ARFIP1: variants seen among roughly 807,000 people sequenced by gnomAD.
ARFIP1 encodes arfaptin-1.
In ARFIP1, 24 loss-of-function variants were observed where a neutral mutation model predicts 42.5. The ratio of observed to expected loss-of-function variants is 0.57; its 90% confidence interval spans 0.41 to 0.80. The LOEUF (loss-of-function observed/expected upper bound fraction) is 0.80, where lower values mean the gene tolerates loss of function less well. Among genes scored for constraint, ARFIP1 ranks in the 30% least tolerant of loss-of-function variants. The probability of loss-of-function intolerance (pLI) is 0.00; values close to 1 mark genes in which losing one functional copy is unlikely to be tolerated. For missense variants in ARFIP1, 354 were observed against 434.0 expected (o/e 0.82, Z 1.64); for synonymous variants, 141 against 153.7 (o/e 0.92, Z 0.61).
chr4:152,842,824 T>C (rs1732203461), intron 2 of ARFIP1, among the ~76,000 whole-genome samples: 1 of 152,162 alleles, frequency 6.6e-6, no homozygotes, highest in African/African-American at 2.4e-5. Flanking sequence ...TCATTTCTTA[T>C]GTCTTTTTTT....
At chr4:152,790,905 G>T (rs915768415) in intron 1 of ARFIP1, among the ~76,000 whole-genome samples, 6 of 149,318 alleles carry the variant, frequency 4.0e-5, no homozygotes, top group African/African-American at 1.5e-4. Context: ...GCTCATTTTT[G>T]TATTTTTTTT....
intron 8 of ARFIP1, among the ~76,000 whole-genome samples, chr4:152,907,413 G>A (rs1439393154): frequency 2.0e-5 from 3 of 151,996 alleles, no homozygotes; most frequent in Non-Finnish European, 4.4e-5. Flanking sequence ...AACAAAAAAA[G>A]CAGCCATGTT....
At chr4:152,884,216 A>C (rs1324353761) in intron 7 of ARFIP1, among the ~76,000 whole-genome samples, 2 of 151,974 alleles carry the variant, frequency 1.3e-5, no homozygotes, top group East Asian at 3.9e-4. Flanking sequence ...TGGAGGGGTA[A>C]GGGTGAGGAT....
At chr4:152,897,931 G>A (rs1487377219) in intron 8 of ARFIP1, among the ~76,000 whole-genome samples, 1 of 149,672 alleles carries the variant, frequency 6.7e-6, no homozygotes, top group Non-Finnish European at 1.5e-5. Context: ...GCATTTCTGA[G>A]TAAAGTCTCA....
chr4:152,908,828 A>G (rs1229600047), intron 8 of ARFIP1, among the ~76,000 whole-genome samples: 1 of 151,364 alleles, frequency 6.6e-6, no homozygotes, highest in Non-Finnish European at 1.5e-5. Flanking sequence ...ACTCAGTCAC[A>G]ATGGCAGAGG....
At position 152,870,860 on chromosome 4, in the gene ARFIP1, A is replaced by G. The variant is rs779026227; in HGVS notation, c.298+12A>G. The G allele has an allele frequency of 3.7e-6, 6 of 1,600,068 alleles. No homozygotes were observed. The highest frequency in any genetic ancestry group is 2.2e-5 in the East Asian group (1 of 44,802). On this transcript the variant is annotated intron_variant, in intron 4 of 8. Transcript: ENST00000353617. ...AATTGTTCCTGCAGGTATTCACTGC[A>G]CTGATTGGATAAAGCACTTATTGCT...
chr4:152,876,831 T>A (rs1217093645), intron 5 of ARFIP1, among the ~76,000 whole-genome samples: 2 of 152,226 alleles, frequency 1.3e-5, no homozygotes, highest in Non-Finnish European at 2.9e-5. Flanking sequence ...CAGCCATGGC[T>A]GAAAGGGGCC....
rs186254536 is a variant in ARFIP1, at chr4:152,856,869, C to G, written c.94-6737C>G. On this transcript the variant is annotated intron_variant, in intron 2 of 8. Transcript: ENST00000353617. ...ATAGTTGACCTAATGACCAAACTTG[C>G]AAAGTTTACAAATTATTTCAGTGAT... 8.5e-5 allele frequency among the ~76,000 whole-genome samples: 13 copies of G among 152,242 alleles called. No homozygotes were observed. In the East Asian group the frequency reaches 2.3e-3, roughly 27 times the overall value.
chr4:152,802,836 T>G (rs1561106642), intron 1 of ARFIP1, among the ~76,000 whole-genome samples: 1 of 152,354 alleles, frequency 6.6e-6, no homozygotes, highest in East Asian at 1.9e-4. Flanking sequence ...GGATGACTCT[T>G]ATTTTCCATA....
intron 1 of ARFIP1, among the ~76,000 whole-genome samples, chr4:152,795,117 G>A (rs1731357903): frequency 2.0e-5 from 3 of 151,958 alleles, no homozygotes; most frequent in Admixed American, 2.0e-4. Context: ...ACCTGCCCAG[G>A]GTAGGTAACC....
chr4:152,886,698 G>C (rs1382700395), intron 7 of ARFIP1, among the ~76,000 whole-genome samples: 2 of 151,806 alleles, frequency 1.3e-5, no homozygotes, highest in African/African-American at 4.8e-5. Context: ...TGTTGTAATT[G>C]TTTACAAGGT....
At chr4:152,882,586 C>T (rs749118955) in intron 6 of ARFIP1, 137 bp from the exon 7 acceptor site, 17 of 924,364 alleles carry the variant, frequency 1.8e-5, no homozygotes, top group South Asian at 5.5e-5. Flanking sequence ...TTCTTAAAGA[C>T]GGAAAGGAAA....
At chr4:152,869,644 G>A (rs1561157118) in intron 3 of ARFIP1, among the ~76,000 whole-genome samples, 1 of 152,050 alleles carries the variant, frequency 6.6e-6, no homozygotes, top group African/African-American at 2.4e-5. Context: ...GCCCAGGCTG[G>A]TCTTGAACTC....
At chr4:152,896,912 G>T (rs1213680737) in intron 8 of ARFIP1, among the ~76,000 whole-genome samples, 1 of 152,120 alleles carries the variant, frequency 6.6e-6, no homozygotes, top group African/African-American at 2.4e-5. Context: ...AATAGAAAAA[G>T]TTAACTTAGA....
intron 8 of ARFIP1, among the ~76,000 whole-genome samples, 194 bp downstream of exon 8, chr4:152,888,501 C>T (rs547582722): frequency 6.6e-6 from 1 of 152,152 alleles, no homozygotes; most frequent in African/African-American, 2.4e-5. Context: ...TCAATGCCAC[C>T]GTCCCAGTCT....
intron 7 of ARFIP1, 72 bp from the exon 8 acceptor site, chr4:152,888,061 G>A (rs1736409760): frequency 4.0e-5 from 49 of 1,231,522 alleles, no homozygotes; most frequent in Non-Finnish European, 4.9e-5. Context: ...TGAATATTAC[G>A]TATTTCCAAC....
rs1451634286 is a variant in ARFIP1 at position 152,889,615 on chromosome 4, CAT to C, written c.966+1316_966+1317del. 2.8e-3 allele frequency among the ~76,000 whole-genome samples: 306 copies of C among 109,132 alleles called. 5 individuals are homozygous for C. Among genetic ancestry groups the C allele is most frequent in the African/African-American group, 0.01 (288 of 28,690 alleles). The allele number at this position is 109,132 out of a possible 152,430, so 71.6% of individuals were successfully genotyped here. On this transcript the variant is annotated intron_variant, in intron 8 of 8. Coordinates refer to ENST00000353617, the MANE Select transcript of ARFIP1 (RefSeq NM_001025595.3). ...CATAAATATATATATACTATATATA[CAT>C]ATATATACTATATAGTATATATATG...
chr4:152,846,964 T>C (rs940275113), intron 2 of ARFIP1, among the ~76,000 whole-genome samples: 4 of 151,830 alleles, frequency 2.6e-5, no homozygotes, highest in African/African-American at 7.3e-5. Flanking sequence ...ATTGCAGATA[T>C]TTGATTTTTC....
At chr4:152,879,823 T>C (rs1735680212) in intron 5 of ARFIP1, among the ~76,000 whole-genome samples, 2 of 152,128 alleles carry the variant, frequency 1.3e-5, no homozygotes, top group African/African-American at 2.4e-5. Flanking sequence ...CACTCCAGCC[T>C]GGGCAACAGG....
Sources: allele counts gnomAD v4.1 joint callset (sites outside exome capture counted in the v4.1 genomes callset), GRCh38; gene constraint gnomAD v4.1.1; transcripts MANE v1.5; gene names NCBI Gene and HGNC (gene_info 2026-07-23, HGNC 2026-07-21).